The following KIZ variants were observed in gnomAD, a reference collection of about 807,000 sequenced individuals.
KIZ encodes the protein kizuna centrosomal protein.
KIZ carries 68 observed loss-of-function variants against 79.6 expected under a neutral mutation model. The ratio of observed to expected loss-of-function variants is 0.85; its 90% CI spans 0.70 to 1.05. KIZ has a LOEUF of 1.05. Ranked by LOEUF, KIZ falls within the 50% of genes least tolerant of loss-of-function variation. KIZ has a pLI of 0.00. For synonymous variants in KIZ, 280 were observed against 281.8 expected (o/e 0.99, Z 0.06); for missense variants, 797 against 800.4 (o/e 1.00, Z 0.05).
chr20:21,234,756 A>G, intron 11 of KIZ, among the ~76,000 whole-genome samples: 1 of 151,850 alleles, frequency 6.6e-6, no homozygotes, highest in Admixed American at 6.6e-5. Context: ...AAAGAAAAAA[A>G]AAAAACCCAC....
intron 4 of KIZ, among the ~76,000 whole-genome samples, chr20:21,146,999 A>C (rs2032881518): frequency 6.6e-6 from 1 of 152,226 alleles, no homozygotes; most frequent in Admixed American, 6.5e-5. Flanking sequence ...GCATTCAGGC[A>C]GTTTTTCTAT....
intron 11 of KIZ, among the ~76,000 whole-genome samples, chr20:21,233,137 C>T (rs1569000600): frequency 6.6e-6 from 1 of 152,114 alleles, no homozygotes; most frequent in African/African-American, 2.4e-5. Flanking sequence ...TGGAGGTTGT[C>T]AGAAAAAGGG....
At chr20:21,221,566 CT>C (rs2036502418) in intron 9 of KIZ, among the ~76,000 whole-genome samples, 3 of 152,302 alleles carry the variant, frequency 2.0e-5, no homozygotes, top group African/African-American at 7.2e-5. Context: ...CACCAATTCT[CT>C]TGGTCAAGCT....
rs985347489 is a variant in KIZ, at chr20:21,199,186, A to G, written c.1353-6305A>G. ...ATAAGCCATGATGTCTGCACCTACT[A>G]GACTAACGATTGTTAGAGTTTCTCA... On this transcript the variant is annotated intron_variant, in intron 6 of 12. Coordinates refer to ENST00000619189, the MANE Select transcript of KIZ (RefSeq NM_018474.6). 3.3e-5 allele frequency among the ~76,000 whole-genome samples: 5 copies of G among 152,224 alleles called. No individual in the cohort carries two copies. In the South Asian group the frequency reaches 1.0e-3, roughly 32 times the overall value.
At chr20:21,145,817 CTAATT>C (rs1291352752) in intron 4 of KIZ, among the ~76,000 whole-genome samples, 163 bp downstream of exon 4, 1 of 152,114 alleles carries the variant, frequency 6.6e-6, no homozygotes, top group Non-Finnish European at 1.5e-5. Flanking sequence ...GCTTTAATGT[CTAATT>C]TAATTAAGTT....
rs188892264 is a variant in KIZ at position 21,217,849 on chromosome 20, T to C, written c.1678+2201T>C. Among the ~76,000 whole-genome samples the C allele has an allele frequency of 4.6e-4, 70 of 152,276 alleles. 1 individual carries two copies. The highest frequency in any genetic ancestry group is 3.4e-3 in the Middle Eastern group (1 of 294). On this transcript the variant is annotated intron_variant, in intron 9 of 12. Transcript: ENST00000619189. ...CAGTCCCCAGCATTTCCAAACCAGC[T>C]ATGAGGAGCCTCACAAAGCAAACTC...
At chr20:21,149,664 G>A (rs1220781425) in intron 4 of KIZ, among the ~76,000 whole-genome samples, 1 of 152,206 alleles carries the variant, frequency 6.6e-6, no homozygotes, top group Non-Finnish European at 1.5e-5. Context: ...AGTATGAGAT[G>A]ATGGAAAGGG....
At chr20:21,180,223 G>A (rs1334356648) in intron 6 of KIZ, among the ~76,000 whole-genome samples, 1 of 145,902 alleles carries the variant, frequency 6.9e-6, no homozygotes, top group Non-Finnish European at 1.5e-5. Flanking sequence ...TGAGTTTTTG[G>A]TTTGCTCTTT....
intron 1 of KIZ, among the ~76,000 whole-genome samples, chr20:21,130,751 G>A (rs1169315640): frequency 6.6e-6 from 1 of 152,060 alleles, no homozygotes; most frequent in Non-Finnish European, 1.5e-5. Context: ...TGGTTAAATA[G>A]TAGTTTCCAT....
At chr20:21,155,986 A>G (rs1338023704) in intron 4 of KIZ, among the ~76,000 whole-genome samples, 3 of 152,204 alleles carry the variant, frequency 2.0e-5, no homozygotes, top group African/African-American at 7.2e-5. Context: ...ATTCTTTCCT[A>G]CGAGGATTCT....
At chr20:21,244,220 C>T (rs972119621) in intron 11 of KIZ, 25 bp from the exon 12 acceptor site, 22 of 1,547,176 alleles carry the variant, frequency 1.4e-5, no homozygotes, top group Non-Finnish European at 1.9e-5. Flanking sequence ...TTTTTCAGAA[C>T]TTAGACTGTT....
At chr20:21,155,693 A>G (rs1372119191) in intron 4 of KIZ, among the ~76,000 whole-genome samples, 2 of 152,208 alleles carry the variant, frequency 1.3e-5, no homozygotes, top group Non-Finnish European at 2.9e-5. Flanking sequence ...TATGTGAATT[A>G]TATCTCAGTA....
intron 3 of KIZ, among the ~76,000 whole-genome samples, chr20:21,142,123 ACT>A (rs1291988255): frequency 2.7e-5 from 4 of 150,922 alleles, no homozygotes; most frequent in African/African-American, 7.3e-5. Flanking sequence ...ACACATACAC[ACT>A]CTTACATGCA....
intron 2 of KIZ, 46 bp from the exon 3 acceptor site, chr20:21,136,344 C>A (rs981610889): frequency 9.4e-7 from 1 of 1,064,228 alleles, no homozygotes; most frequent in African/African-American, 1.6e-5. Flanking sequence ...TTCTTAGATT[C>A]GTCCAAGTCT....
At chr20:21,179,950 T>G (rs2034584406) in intron 6 of KIZ, among the ~76,000 whole-genome samples, 1 of 152,222 alleles carries the variant, frequency 6.6e-6, no homozygotes. Context: ...TCTTTTTAAA[T>G]TTGTAAGACT....
intron 1 of KIZ, among the ~76,000 whole-genome samples, chr20:21,128,247 A>G (rs2031610629): frequency 6.6e-6 from 1 of 152,176 alleles, no homozygotes; most frequent in African/African-American, 2.4e-5. Flanking sequence ...CCCTGACCTC[A>G]GGTGATCTGC....
chr20:21,226,427 C>T (rs1039876858), intron 9 of KIZ: 2 of 152,264 alleles, frequency 1.3e-5, no homozygotes, highest in Admixed American at 6.5e-5. Flanking sequence ...TTAATCACTT[C>T]TAATTTGTTT....
At chr20:21,130,867 T>G (rs140393834) in intron 1 of KIZ, among the ~76,000 whole-genome samples, 1 of 152,366 alleles carries the variant, frequency 6.6e-6, no homozygotes, top group East Asian at 1.9e-4. Context: ...TGAAGATATA[T>G]AGAAACTGAT....
chr20:21,182,092 A>T (rs2034678153), intron 6 of KIZ, among the ~76,000 whole-genome samples: 1 of 152,172 alleles, frequency 6.6e-6, no homozygotes, highest in Admixed American at 6.5e-5. Flanking sequence ...GTCCCTCTAA[A>T]ATTCATATGT....
Sources: gnomAD v4.1 joint callset for allele counts (sites outside exome capture counted in the v4.1 genomes callset) on GRCh38, gnomAD v4.1.1 for gene constraint, MANE v1.5 for transcripts, NCBI Gene and HGNC (gene_info 2026-07-23, HGNC 2026-07-21) for gene names.